The following MDGA2 variants were observed in gnomAD, a reference collection of about 807,000 sequenced individuals.
MDGA2 encodes the protein MAM domain containing glycosylphosphatidylinositol anchor 2.
A neutral mutation model predicts 117.8 loss-of-function variants in MDGA2; 40 were observed. The observed-to-expected ratio is 0.34, with a 90% CI of 0.26 to 0.44. The LOEUF (loss-of-function observed/expected upper bound fraction) is 0.44, where lower values mean the gene tolerates loss of function less well. MDGA2 is among the 20% of genes least tolerant of loss of function. The pLI is 1.00. For missense variants in MDGA2, 1,123 were observed against 1,250.6 expected (o/e 0.90, Z 1.54); for synonymous variants, 452 against 439.0 (o/e 1.03, Z -0.37).
At chr14:47,465,824 A>G (rs1243002243) in intron 1 of MDGA2, among the ~76,000 whole-genome samples, 5 of 152,170 alleles carry the variant, frequency 3.3e-5, no homozygotes. Context: ...AAATCCCGTT[A>G]CTGGGTGTAT....
At chr14:47,199,814 G>C (rs1349680316) in intron 3 of MDGA2, among the ~76,000 whole-genome samples, 1 of 152,124 alleles carries the variant, frequency 6.6e-6, no homozygotes, top group African/African-American at 2.4e-5. Flanking sequence ...GGATTTGATA[G>C]TCAGAAGTTT....
chr14:46,994,213 G>A (rs1887200106), intron 8 of MDGA2, among the ~76,000 whole-genome samples: 1 of 152,086 alleles, frequency 6.6e-6, no homozygotes, highest in Admixed American at 6.6e-5. Context: ...ACCAGAAAAA[G>A]GATGGAAGCC....
chr14:47,304,884 A>G (rs1324598201), intron 1 of MDGA2, among the ~76,000 whole-genome samples: 4 of 152,100 alleles, frequency 2.6e-5, no homozygotes, highest in Non-Finnish European at 5.9e-5. Flanking sequence ...AGATTCCCAT[A>G]CCAATAATTG....
intron 14 of MDGA2, among the ~76,000 whole-genome samples, chr14:46,861,238 A>C (rs913567012): frequency 6.6e-6 from 1 of 151,930 alleles, no homozygotes; most frequent in Admixed American, 6.6e-5. Context: ...AGTGCATACT[A>C]TATGTCCTTC....
intron 2 of MDGA2, among the ~76,000 whole-genome samples, chr14:47,225,230 C>T (rs1374473954): frequency 1.3e-5 from 2 of 151,940 alleles, no homozygotes; most frequent in Non-Finnish European, 2.9e-5. Context: ...TAAACTAGTT[C>T]AACCATTGTG....
rs1331673030 is a variant in MDGA2 at position 46,929,597 on chromosome 14, GTGTGTATATATATATATATATATATA to G, written c.2090-9463_2090-9438del. On this transcript the variant is annotated intron_variant, in intron 9 of 16. Transcript: ENST00000399232. ...TATATATACGTGTGTGTGTGTGTGT[GTGTGTATATATATATATATATATATA>G]TATATATATATATATATATATATAC... is the stretch of plus-strand genomic sequence containing the variant. Among the ~76,000 whole-genome samples, 7 of 15,456 alleles carry G rather than the reference GTGTGTATATATATATATATATATATA, an allele frequency of 4.5e-4. No individual in the cohort carries two copies. The East Asian group carries it at 7.8e-3, about 17-fold the overall frequency. 10.1% of individuals were successfully genotyped at this position (15,456 alleles called of 152,430 possible).
chr14:47,519,567 G>A (rs1398602514), intron 1 of MDGA2, among the ~76,000 whole-genome samples: 2 of 152,092 alleles, frequency 1.3e-5, no homozygotes, highest in Admixed American at 6.6e-5. Context: ...ATGAGTAAAC[G>A]CAAGTATAAA....
chr14:47,052,175 C>T (rs926597591), intron 7 of MDGA2, among the ~76,000 whole-genome samples: 2 of 151,636 alleles, frequency 1.3e-5, no homozygotes, highest in African/African-American at 4.8e-5. Flanking sequence ...ATTTTATATC[C>T]AGTCGTTTAA....
At chr14:47,336,968 T>A (rs1890478746) in intron 1 of MDGA2, among the ~76,000 whole-genome samples, 1 of 152,020 alleles carries the variant, frequency 6.6e-6, no homozygotes, top group East Asian at 1.9e-4. Context: ...TTTCATTTCT[T>A]CTTTTCACAT....
intron 1 of MDGA2, among the ~76,000 whole-genome samples, chr14:47,512,018 C>T (rs1017281295): frequency 6.6e-6 from 1 of 152,202 alleles, no homozygotes; most frequent in Admixed American, 6.5e-5. Flanking sequence ...CACAATAACC[C>T]ACAAACAGTA....
chr14:47,139,597 A>C (rs780782194), intron 4 of MDGA2, among the ~76,000 whole-genome samples: 10 of 151,686 alleles, frequency 6.6e-5, no homozygotes, highest in Non-Finnish European at 1.2e-4. Context: ...CTATCAACCT[A>C]AGGAGATAAA....
At chr14:46,881,495 T>A (rs34931975) in intron 11 of MDGA2, among the ~76,000 whole-genome samples, 24,007 of 152,136 alleles carry the variant, frequency 0.16, 2,802 homozygotes, top group Non-Finnish European at 0.24. Flanking sequence ...TAATGTATAA[T>A]ACTGATTTTA....
chr14:46,994,549 C>A (rs1179072432), intron 8 of MDGA2, among the ~76,000 whole-genome samples: 1 of 151,640 alleles, frequency 6.6e-6, no homozygotes, highest in Non-Finnish European at 1.5e-5. Context: ...ACACTCAAAA[C>A]ACTCAAATAC....
chr14:47,574,108 G>A (rs1896070631), intron 1 of MDGA2, among the ~76,000 whole-genome samples: 1 of 152,138 alleles, frequency 6.6e-6, no homozygotes, highest in South Asian at 2.1e-4. Flanking sequence ...AAGAAAATGG[G>A]TTCTGTGGAT....
At chr14:47,312,688 G>GTTTTTTTTTTTTTTT (rs1186421912) in intron 1 of MDGA2, among the ~76,000 whole-genome samples, 2 of 104,298 alleles carry the variant, frequency 1.9e-5, no homozygotes, top group Non-Finnish European at 2.0e-5. Context: ...TTTTTTTTTT[G>GTTTTTTTTTTTTTTT]TTTTGTTTTG....
intron 1 of MDGA2, among the ~76,000 whole-genome samples, chr14:47,510,104 T>C (rs577738505): frequency 1.3e-5 from 2 of 152,244 alleles, no homozygotes; most frequent in African/African-American, 4.8e-5. Context: ...GGTGGGACTT[T>C]GGGAGGTGAT....
At chr14:47,200,907 G>T (rs1429102846) in intron 3 of MDGA2, 1 of 844,854 alleles carries the variant, frequency 1.2e-6, no homozygotes, top group African/African-American at 1.7e-5. Flanking sequence ...GCCTGGCCTC[G>T]CTTGGTCTTG....
chr14:47,618,536 A>T (rs745655776), intron 1 of MDGA2, among the ~76,000 whole-genome samples: 1 of 152,166 alleles, frequency 6.6e-6, no homozygotes, highest in Non-Finnish European at 1.5e-5. Flanking sequence ...TTACTGCAAT[A>T]CATGTTAAGT....
intron 8 of MDGA2, among the ~76,000 whole-genome samples, chr14:47,027,356 T>C (rs953134057): frequency 2.6e-5 from 4 of 152,062 alleles, no homozygotes; most frequent in Non-Finnish European, 5.9e-5. Context: ...AAATGAGTCT[T>C]GCCTGGCTTA....
Sources: allele counts gnomAD v4.1 joint callset (sites outside exome capture counted in the v4.1 genomes callset), GRCh38; gene constraint gnomAD v4.1.1; transcripts MANE v1.5; gene names NCBI Gene and HGNC (gene_info 2026-07-23, HGNC 2026-07-21).